EXT2: variants seen among roughly 807,000 people sequenced by gnomAD.
EXT2 encodes the protein exostosin-2.
Under a neutral mutation model 81.6 loss-of-function variants are expected in EXT2, and 53 were observed. The ratio of observed to expected loss-of-function variants is 0.65; its 90% CI spans 0.52 to 0.82. The LOEUF is 0.82. EXT2 is among the 40% of genes least tolerant of loss of function. EXT2 has a pLI of 0.00. For synonymous variants in EXT2, 320 were observed against 340.0 expected (o/e 0.94, Z 0.65); for missense variants, 774 against 910.2 (o/e 0.85, Z 1.93).
chr11:44,236,897 T>G (rs1955972309), intron 13 of EXT2, among the ~76,000 whole-genome samples: 1 of 152,144 alleles, frequency 6.6e-6, no homozygotes, highest in Non-Finnish European at 1.5e-5. Context: ...TCGATTCAAG[T>G]CAGTTTCTCA....
intron 7 of EXT2, 45 bp from the exon 8 acceptor site, chr11:44,171,566 C>T: frequency 6.2e-7 from 1 of 1,613,878 alleles, no homozygotes; most frequent in Non-Finnish European, 8.5e-7. Context: ...AGTTTTCCCA[C>T]TCTGTCTCGC....
rs374619149 is a variant in EXT2 at position 44,160,830 on chromosome 11, A to G, written c.1174-10781A>G. On this transcript the variant is annotated intron_variant, in intron 7 of 13. Coordinates refer to ENST00000533608, the MANE Select transcript of EXT2 (RefSeq NM_207122.2). ...TTAACAAATTATTTTGTAGCTGGCT[A>G]ATTTACTGAACTTGCTTATTAGTTC... Among the ~76,000 whole-genome samples, 11 of 152,302 alleles carry G rather than the reference A, an allele frequency of 7.2e-5. No homozygotes were observed. The East Asian group carries it at 2.1e-3, about 29-fold the overall frequency.
chr11:44,172,001 C>T (rs999742185), intron 8 of EXT2: 5 of 508,550 alleles, frequency 9.8e-6, no homozygotes, highest in Non-Finnish European at 1.8e-5. Flanking sequence ...AGTAAGGAGG[C>T]ATGGGTCTTG....
intron 7 of EXT2, among the ~76,000 whole-genome samples, chr11:44,141,308 GT>G (rs949165639): frequency 6.6e-6 from 1 of 152,004 alleles, no homozygotes; most frequent in African/African-American, 2.4e-5. Flanking sequence ...TACAGGCACA[GT>G]TTTTTTTCCG....
intron 10 of EXT2, among the ~76,000 whole-genome samples, chr11:44,222,339 A>G (rs1395381376): frequency 2.0e-5 from 3 of 152,200 alleles, no homozygotes; most frequent in African/African-American, 7.2e-5. Context: ...AGTGTGGTCC[A>G]TTCATGCAAG....
intron 8 of EXT2, among the ~76,000 whole-genome samples, chr11:44,183,871 CACTT>C (rs1231916201): frequency 2.6e-5 from 4 of 152,104 alleles, no homozygotes; most frequent in Non-Finnish European, 5.9e-5. Flanking sequence ...TCATTTGAGA[CACTT>C]ACTTTATATT....
rs150395776 is a variant in EXT2, at chr11:44,112,166, G to A, written c.627-2019G>A. 8.0e-3 allele frequency among the ~76,000 whole-genome samples: 1,214 copies of A among 152,280 alleles called. 19 individuals carry two copies. Among genetic ancestry groups the A allele is most frequent in the African/African-American group, 0.027 (1,130 of 41,546 alleles). On this transcript the variant is annotated intron_variant, in intron 3 of 13. Coordinates refer to ENST00000533608, the MANE Select transcript of EXT2 (RefSeq NM_207122.2). ...CAGCCTCACTGTGTTTAGGCACTGCGAATACTTAGATAGCAGGAGGAGAAC... is the reference window on the plus strand; with the variant it reads ...CAGCCTCACTGTGTTTAGGCACTGCAAATACTTAGATAGCAGGAGGAGAAC...
rs146652894 is a variant in EXT2, at chr11:44,106,501, T to C, written c.-30-1182T>C. Among the ~76,000 whole-genome samples, 567 of 152,376 alleles carry C rather than the reference T, an allele frequency of 3.7e-3. 5 individuals are homozygous for C. Among genetic ancestry groups the C allele is most frequent in the East Asian group, 0.032 (166 of 5,190 alleles). ...ATCGATACTTTCCTAGTGGTGTTTT[T>C]ACATTCTGCCTTTTGTTATAGCTTT... On this transcript the variant is annotated intron_variant, in intron 1 of 13. Transcript: ENST00000533608.
At chr11:44,185,864 C>T (rs536762181) in intron 8 of EXT2, among the ~76,000 whole-genome samples, 2 of 152,156 alleles carry the variant, frequency 1.3e-5, no homozygotes, top group Non-Finnish European at 2.9e-5. Context: ...TTTTTATGCC[C>T]AGATCAGAGA....
intron 10 of EXT2, among the ~76,000 whole-genome samples, chr11:44,229,012 G>A (rs981582130): frequency 1.3e-5 from 2 of 152,146 alleles, no homozygotes; most frequent in Non-Finnish European, 2.9e-5. Context: ...CAACTGAATT[G>A]GATGCCCCCT....
At position 44,220,170 on chromosome 11, in the gene EXT2, G is replaced by A. The variant is rs1017704458; in HGVS notation, c.1663-12183G>A. ...CACAAGGTCAAACCTTGCCAGAGCT[G>A]CACTGGATCAACTTTTGTGCTAGGT... On this transcript the variant is annotated intron_variant, in intron 10 of 13. Transcript: ENST00000533608. This position sits in a 1 kb window ranked among gnomAD's most constrained non-coding sequence, Gnocchi z 4.4. Among the ~76,000 whole-genome samples the A allele has an allele frequency of 6.6e-6, 1 of 152,192 alleles. No individual in the cohort carries two copies. The highest frequency in any genetic ancestry group is 6.5e-5 in the Admixed American group (1 of 15,280).
intron 10 of EXT2, among the ~76,000 whole-genome samples, chr11:44,213,985 G>C (rs1032833153): frequency 1.3e-5 from 2 of 152,070 alleles, no homozygotes; most frequent in African/African-American, 4.8e-5. Context: ...TTAGAAAAGA[G>C]GAAAAATAAA....
chr11:44,161,519 G>A (rs1389105676), intron 7 of EXT2, among the ~76,000 whole-genome samples: 1 of 151,516 alleles, frequency 6.6e-6, no homozygotes, highest in Non-Finnish European at 1.5e-5. Flanking sequence ...AAAAAAAAAA[G>A]TAATATTCAG....
chr11:44,243,143 G>A (rs923801116), intron 13 of EXT2, among the ~76,000 whole-genome samples: 1 of 152,276 alleles, frequency 6.6e-6, no homozygotes, highest in South Asian at 2.1e-4. Flanking sequence ...GCTCTCAGAT[G>A]TCCTGGGCCC....
intron 13 of EXT2, 88 bp downstream of exon 13, chr11:44,236,463 T>C (rs745443750): frequency 6.1e-5 from 75 of 1,238,174 alleles, no homozygotes; most frequent in Non-Finnish European, 8.6e-5. Flanking sequence ...GTTGGAGATA[T>C]AAGGACAGCA....
chr11:44,112,078 T>C (rs567496409), intron 3 of EXT2, among the ~76,000 whole-genome samples: 1 of 152,346 alleles, frequency 6.6e-6, no homozygotes, highest in African/African-American at 2.4e-5. Context: ...TGAAGCTTTA[T>C]ATTTGAGGAA....
intron 1 of EXT2, among the ~76,000 whole-genome samples, chr11:44,105,850 C>T (rs1590544946): frequency 6.6e-6 from 1 of 152,116 alleles, no homozygotes; most frequent in African/African-American, 2.4e-5. Context: ...TTTTATATAT[C>T]TATAGCTGTA....
chr11:44,164,876 C>CTT lies in EXT2; in HGVS notation c.1174-6716_1174-6715dup, dbSNP rs372890914. Among the ~76,000 whole-genome samples, 831 of 137,514 alleles carry CTT rather than the reference C, an allele frequency of 6.0e-3. 14 individuals carry two copies. Among genetic ancestry groups the CTT allele is most frequent in the African/African-American group, 0.02 (739 of 37,256 alleles). 90.2% of individuals were successfully genotyped at this position (137,514 alleles called of 152,430 possible). A position where few individuals can be genotyped will look rare whatever the true frequency, so the allele number is the denominator to read the frequency against. ...GCTGCTGAAGAATCTCTCATTCACA[C>CTT]TTTTTTTTTTTTTTTTTTTTGAGAC... On this transcript the variant is annotated intron_variant, in intron 7 of 13. Coordinates refer to ENST00000533608, the MANE Select transcript of EXT2 (RefSeq NM_207122.2).
intron 10 of EXT2, among the ~76,000 whole-genome samples, chr11:44,214,047 A>G (rs185448146): frequency 1.3e-5 from 2 of 152,318 alleles, no homozygotes; most frequent in Admixed American, 1.3e-4. Context: ...AAATATGCAT[A>G]GGTGCCACAT....
Sources: gnomAD v4.1 joint callset for allele counts (sites outside exome capture counted in the v4.1 genomes callset) on GRCh38, gnomAD v4.1.1 for gene constraint, Gnocchi (gnomAD v3.1) non-coding constraint, MANE v1.5 for transcripts, NCBI Gene and HGNC (gene_info 2026-07-23, HGNC 2026-07-21) for gene names.